The following AOX1 variants were observed in gnomAD, a reference collection of about 807,000 sequenced individuals.
AOX1 encodes the protein aldehyde oxidase.
A neutral mutation model predicts 169.5 loss-of-function variants in AOX1; 153 were observed. The ratio of observed to expected loss-of-function variants is 0.90; its 90% confidence interval spans 0.79 to 1.03. The LOEUF is 1.03. AOX1 is among the 50% of genes least tolerant of loss of function. The probability of loss-of-function intolerance (pLI) is 0.00; values close to 1 mark genes in which losing one functional copy is unlikely to be tolerated. For synonymous variants in AOX1, 562 were observed against 581.9 expected (o/e 0.97, Z 0.49); for missense variants, 1,656 against 1,663.9 (o/e 1.00, Z 0.08).
At chr2:200,602,424 G>C in intron 6 of AOX1, 79 bp downstream of exon 6, 2 of 1,275,452 alleles carry the variant, frequency 1.6e-6, no homozygotes, top group Non-Finnish European at 2.3e-6. Context: ...GATTAGGGGG[G>C]CAGCCATCTT....
chr2:200,662,761 C>A, intron 30 of AOX1, 94 bp from the exon 31 acceptor site: 1 of 914,884 alleles, frequency 1.1e-6, no homozygotes, highest in Non-Finnish European at 1.8e-6. Flanking sequence ...AGGTATATTC[C>A]TGTGGCTTGC....
chr2:200,674,364 G>A (rs1352304614), downstream of AOX1, among the ~76,000 whole-genome samples: 1 of 152,068 alleles, frequency 6.6e-6, no homozygotes, highest in East Asian at 1.9e-4. Flanking sequence ...GAAAACAGGA[G>A]TGGTGCAACC....
chr2:200,669,214 C>T (rs893218687), intron 33 of AOX1, among the ~76,000 whole-genome samples: 5 of 152,114 alleles, frequency 3.3e-5, no homozygotes, highest in Admixed American at 6.5e-5. Flanking sequence ...GAGGCCAAGG[C>T]GGGCAGATCA....
Position 200,649,086 on chromosome 2 carries a change from A to G in AOX1, c.2848-1888A>G, listed in dbSNP as rs375874909. ...CTGCACACCAGATTTGTGCCCTCCC[A>G]CTGAGCTCTGACCAGGAGGCTTCTT... On this transcript the variant is annotated intron_variant, in intron 25 of 34. Transcript: ENST00000374700. 3.9e-5 allele frequency among the ~76,000 whole-genome samples: 6 copies of G among 152,112 alleles called. No homozygotes were observed. The East Asian group carries it at 9.7e-4, about 24-fold the overall frequency.
At chr2:200,646,140 G>C (rs1436552067) in intron 25 of AOX1, among the ~76,000 whole-genome samples, 1 of 151,974 alleles carries the variant, frequency 6.6e-6, no homozygotes, top group Non-Finnish European at 1.5e-5. Flanking sequence ...AGTTCCTTGA[G>C]GTGTGACCTT....
chr2:200,662,733 G>T (rs1248845696), intron 30 of AOX1, 122 bp from the exon 31 acceptor site: 9 of 717,178 alleles, frequency 1.3e-5, no homozygotes, highest in Admixed American at 2.1e-5. Context: ...ATTAGGTGCT[G>T]GCACATACAT....
chr2:200,677,907 T>C (rs2036121150), downstream of AOX1, among the ~76,000 whole-genome samples: 2 of 152,090 alleles, frequency 1.3e-5, no homozygotes, highest in South Asian at 4.1e-4. Flanking sequence ...TGAAAAGAAG[T>C]GGAGGCTCAG....
intron 26 of AOX1, among the ~76,000 whole-genome samples, chr2:200,654,522 G>A (rs2035645224): frequency 6.6e-6 from 1 of 152,196 alleles, no homozygotes; most frequent in Non-Finnish European, 1.5e-5. Context: ...GCTGTGGTTT[G>A]GAGCTGAACC....
At position 200,668,752 on chromosome 2, in the gene AOX1, CA is replaced by C; in HGVS notation, c.3748del (p.Ile1250LeufsTer38). On this transcript the variant is annotated frameshift_variant, in exon 33 of 35. Coordinates refer to ENST00000374700, the MANE Select transcript of AOX1 (RefSeq NM_001159.4). LOFTEE classifies it high-confidence loss of function. The part of the protein sequence containing the change: ...AICDMPTELH[I>X]ALLPPSQNSN... ...TCTGTGACATGCCCACGGAGTTGCA[CA>C]TTGCTTTGTTGCCTCCTTCTCAAAA... is the stretch of plus-strand genomic sequence containing the variant. 1 of 1,614,136 alleles carries C rather than the reference CA, an allele frequency of 6.2e-7. No individual in the cohort carries two copies. The highest frequency in any genetic ancestry group is 8.5e-7 in the Non-Finnish European group (1 of 1,180,030).
intron 16 of AOX1, 91 bp downstream of exon 16, chr2:200,616,154 C>A: frequency 2.2e-6 from 2 of 901,440 alleles, no homozygotes; most frequent in Non-Finnish European, 3.5e-6. Flanking sequence ...GAAACTCAAG[C>A]TCTGTAAGTC....
At chr2:200,636,116 G>GTTT (rs1574941142) in intron 21 of AOX1, among the ~76,000 whole-genome samples, 5 of 97,798 alleles carry the variant, frequency 5.1e-5, no homozygotes, top group African/African-American at 1.6e-4. Flanking sequence ...AGTGAGAAGT[G>GTTT]CTTTTTTTTT....
intron 6 of AOX1, 131 bp from the exon 7 acceptor site, chr2:200,603,136 A>G: frequency 1.4e-6 from 1 of 717,718 alleles, no homozygotes. Flanking sequence ...ATGTTTAAGT[A>G]CAAATGGCTC....
intron 16 of AOX1, 58 bp downstream of exon 16, chr2:200,616,121 G>A: frequency 1.6e-6 from 2 of 1,239,876 alleles, no homozygotes; most frequent in East Asian, 4.7e-5. Context: ...GATTTGACCT[G>A]GACATTCCCA....
In AOX1 at chr2:200,668,696, C is replaced by T. The variant is rs989392730; in HGVS notation, c.3691C>T (p.Arg1231Cys). The T allele has an allele frequency of 6.2e-6, 10 of 1,614,146 alleles. No homozygotes were observed. In the Admixed American group the frequency reaches 1.0e-4, roughly 16 times the overall value. Residue 1231 changes from arginine (R) to cysteine (C), a missense_variant, in exon 33 of 35, where the codon CGT becomes TGT. Arg to Cys is a radical substitution (Grantham distance 180, BLOSUM62 -3). Coordinates refer to ENST00000374700, the MANE Select transcript of AOX1 (RefSeq NM_001159.4). The stretch of plus-strand genomic sequence containing the variant: ...TTCTCCCCAGGGCATTCTGCACACT[C>T]GTGGTCCAGACCAATATAAAATCCC... Reference protein sequence around the residue: ...NYSPQGILHTRGPDQYKIPAI... With the variant: ...NYSPQGILHTCGPDQYKIPAI...
chr2:200,641,646 G>T (rs963245598), intron 24 of AOX1, among the ~76,000 whole-genome samples: 2 of 151,998 alleles, frequency 1.3e-5, no homozygotes, highest in Non-Finnish European at 1.5e-5. Context: ...TCCCACCTCA[G>T]CCTCCCAGGT....
intron 18 of AOX1, among the ~76,000 whole-genome samples, chr2:200,623,144 A>T (rs573359045): frequency 2.0e-5 from 3 of 152,354 alleles, no homozygotes; most frequent in Admixed American, 2.0e-4. Context: ...AGCATAAAGT[A>T]GGAGAGAGAA....
chr2:200,601,073 C>CTTTTTTTTTTTTTTTGTTTTTTTTTTTTT (rs2034403957), intron 5 of AOX1, among the ~76,000 whole-genome samples: 1 of 120,482 alleles, frequency 8.3e-6, no homozygotes, highest in Non-Finnish European at 1.7e-5. Flanking sequence ...GCTTAGAGTG[C>CTTTTTTTTTTTTTTTGTTTTTTTTTTTTT]TTTTTTTTTT....
chr2:200,669,832 C>A, intron 34 of AOX1, 90 bp downstream of exon 34: 1 of 1,384,316 alleles, frequency 7.2e-7, no homozygotes, highest in Non-Finnish European at 9.9e-7. Flanking sequence ...GAACGCACTG[C>A]TGTGGCTTTT....
intron 13 of AOX1, 74 bp from the exon 14 acceptor site, chr2:200,612,535 C>G (rs2034660642): frequency 6.8e-7 from 1 of 1,477,924 alleles, no homozygotes. Context: ...AGGTGATACT[C>G]AAGACACACA....
Sources: allele counts gnomAD v4.1 joint callset (sites outside exome capture counted in the v4.1 genomes callset), GRCh38; gene constraint gnomAD v4.1.1; transcripts MANE v1.5; gene names NCBI Gene and HGNC (gene_info 2026-07-23, HGNC 2026-07-21).